Variants in TBC1D19 observed in about 807,000 individuals in gnomAD.
TBC1D19 encodes the protein TBC1 domain family member 19, also known as TBC1 domain family, member 19.
TBC1D19 carries 60 observed loss-of-function variants against 89.0 expected under a neutral mutation model. That is an observed-to-expected ratio of 0.67 (90% CI 0.55 to 0.84). TBC1D19 has a LOEUF of 0.84. Ranked by LOEUF, TBC1D19 falls within the 40% of genes least tolerant of loss-of-function variation. TBC1D19 has a pLI of 0.00. For missense variants in TBC1D19, 500 were observed against 610.8 expected (o/e 0.82, Z 1.91); for synonymous variants, 189 against 199.7 (o/e 0.95, Z 0.45).
At chr4:26,612,721 T>C (rs935266079) in intron 1 of TBC1D19, among the ~76,000 whole-genome samples, 1 of 152,104 alleles carries the variant, frequency 6.6e-6, no homozygotes, top group African/African-American at 2.4e-5. Context: ...ATATACACAA[T>C]GCATTTACAT....
intron 7 of TBC1D19, among the ~76,000 whole-genome samples, chr4:26,641,037 G>A (rs953686368): frequency 4.6e-5 from 7 of 152,220 alleles, no homozygotes; most frequent in East Asian, 1.9e-4. Flanking sequence ...TGTCAGCTCC[G>A]AAGAGAGCAG....
At chr4:26,659,947 G>A (rs1389207890) in intron 8 of TBC1D19, among the ~76,000 whole-genome samples, 1 of 152,152 alleles carries the variant, frequency 6.6e-6, no homozygotes, top group African/African-American at 2.4e-5. Flanking sequence ...TTAATAAGCA[G>A]CATAGATTTA....
the TBC1D19 span, among the ~76,000 whole-genome samples, chr4:26,792,256 T>TA: frequency 1.9e-3 from 290 of 152,246 alleles, no homozygotes; most frequent in African/African-American, 6.6e-3. Flanking sequence ...AAACCATACT[T>TA]ATTATTAAAA....
At chr4:26,749,216 C>G (rs1439116184) in intron 19 of TBC1D19, among the ~76,000 whole-genome samples, 1 of 152,078 alleles carries the variant, frequency 6.6e-6, no homozygotes, top group Admixed American at 6.6e-5. Flanking sequence ...TATTTTGCTT[C>G]TCTTGTGCAC....
chr4:26,725,497 G>A (rs6448468), intron 15 of TBC1D19, among the ~76,000 whole-genome samples: 6,526 of 151,746 alleles, frequency 0.043, 477 homozygotes, highest in African/African-American at 0.15. Flanking sequence ...CTGCAGCCTC[G>A]ACCTCCTGGG....
chr4:26,764,249 G>A, the TBC1D19 span, among the ~76,000 whole-genome samples: 36 of 152,208 alleles, frequency 2.4e-4, no homozygotes, highest in African/African-American at 6.0e-4. Context: ...TGATGAAGTC[G>A]GGATATGACA....
At chr4:26,750,723 T>A (rs1382858025) in intron 19 of TBC1D19, among the ~76,000 whole-genome samples, 1 of 152,228 alleles carries the variant, frequency 6.6e-6, no homozygotes, top group East Asian at 1.9e-4. Flanking sequence ...GGAAGAATTC[T>A]GGAACATCTA....
At chr4:26,732,578 G>A (rs998865664) in intron 15 of TBC1D19, among the ~76,000 whole-genome samples, 7 of 152,206 alleles carry the variant, frequency 4.6e-5, no homozygotes, top group South Asian at 4.1e-4. Flanking sequence ...GCAGGAGTCC[G>A]AAGCAGGGTT....
At chr4:26,784,864 A>C in the TBC1D19 span, among the ~76,000 whole-genome samples, 135 of 152,350 alleles carry the variant, frequency 8.9e-4, no homozygotes, top group Non-Finnish European at 1.5e-3. Context: ...CATGATATAC[A>C]TTCATACTAA....
intron 13 of TBC1D19, among the ~76,000 whole-genome samples, chr4:26,716,607 T>C (rs962218363): frequency 1.3e-5 from 2 of 152,134 alleles, no homozygotes; most frequent in Admixed American, 1.3e-4. Context: ...CAGTGGAATA[T>C]TCTGCAACAT....
upstream of TBC1D19, among the ~76,000 whole-genome samples, chr4:26,580,838 C>T (rs529729204): frequency 7.2e-5 from 11 of 152,296 alleles, no homozygotes; most frequent in South Asian, 6.2e-4. Flanking sequence ...GTTTTTAATG[C>T]GTTCCACAAC....
At chr4:26,677,987 G>A (rs1226495294) in intron 11 of TBC1D19, among the ~76,000 whole-genome samples, 1 of 152,204 alleles carries the variant, frequency 6.6e-6, no homozygotes, top group Non-Finnish European at 1.5e-5. Flanking sequence ...TGGTACTGCA[G>A]AGAGTGGGGT....
upstream of TBC1D19, among the ~76,000 whole-genome samples, chr4:26,580,782 G>GT (rs1739047522): frequency 6.6e-6 from 1 of 152,238 alleles, no homozygotes; most frequent in Non-Finnish European, 1.5e-5. Flanking sequence ...ATATGTTTCA[G>GT]TGTACCCTTG....
chr4:26,790,599 G>T, the TBC1D19 span, among the ~76,000 whole-genome samples: 2 of 152,292 alleles, frequency 1.3e-5, no homozygotes, highest in East Asian at 1.9e-4. Context: ...ATGTTTAGGG[G>T]TTGCAAAGGC....
chr4:26,666,294 T>C, intron 8 of TBC1D19, 39 bp from the exon 9 acceptor site: 1 of 1,534,478 alleles, frequency 6.5e-7, no homozygotes, highest in Non-Finnish European at 9.0e-7. Context: ...TGCAGCAAAG[T>C]CTGAGATCTA....
rs1387946266 is a variant in TBC1D19, at chr4:26,672,141, A to G, written c.665-8A>G. On this transcript the variant is annotated splice_polypyrimidine_tract_variant and splice_region_variant and intron_variant, in intron 9 of 20. Coordinates refer to ENST00000264866, the MANE Select transcript of TBC1D19 (RefSeq NM_018317.4). ...GTCTAATAATTTTAATTTTTTTTTA[A>G]TTTTTAGAACTTTTTGAAAATGAAC... 4.3e-6 allele frequency: 5 copies of G among 1,150,184 alleles called. No homozygotes were observed. The highest frequency in any genetic ancestry group is 5.8e-6 in the Non-Finnish European group (5 of 856,716). The allele number at this position is 1,150,184 out of a possible 1,614,324, so 71.2% of individuals were successfully genotyped here.
chr4:26,854,573 G>C, the TBC1D19 span, among the ~76,000 whole-genome samples: 1 of 152,176 alleles, frequency 6.6e-6, no homozygotes, highest in African/African-American at 2.4e-5. Context: ...TTGCAGAAGG[G>C]ATGTTTCAAT....
intron 8 of TBC1D19, among the ~76,000 whole-genome samples, chr4:26,664,594 C>T (rs1049326352): frequency 4.0e-5 from 6 of 149,850 alleles, no homozygotes; most frequent in Non-Finnish European, 4.4e-5. Flanking sequence ...TTTACCTCTT[C>T]AGTCATTAGA....
intron 8 of TBC1D19, among the ~76,000 whole-genome samples, chr4:26,664,038 T>A (rs1330053951): frequency 2.0e-5 from 3 of 152,216 alleles, no homozygotes; most frequent in African/African-American, 7.2e-5. Context: ...TTGAACCCTT[T>A]TGTTATGTCA....
Sources: allele counts gnomAD v4.1 joint callset (sites outside exome capture counted in the v4.1 genomes callset), GRCh38; gene constraint gnomAD v4.1.1; transcripts MANE v1.5; gene names NCBI Gene and HGNC (gene_info 2026-07-23, HGNC 2026-07-21).